AHI1: variants seen among roughly 807,000 people sequenced by gnomAD.
The protein encoded by AHI1 is Abelson helper integration site 1, also known as jouberin.
A neutral mutation model predicts 149.3 loss-of-function variants in AHI1; 123 were observed. That is an observed-to-expected ratio of 0.82 (90% CI 0.71 to 0.96). The LOEUF (loss-of-function observed/expected upper bound fraction) is 0.96. AHI1 is among the 40% of genes least tolerant of loss of function. AHI1 has a pLI of 0.00. For missense variants in AHI1, 1,439 were observed against 1,422.7 expected, an observed-to-expected ratio of 1.01 and a Z score of -0.18; for synonymous variants, 475 against 459.8, an observed-to-expected ratio of 1.03 and a Z score of -0.42.
intron 7 of AHI1, among the ~76,000 whole-genome samples, chr6:135,464,298 T>C (rs1007626034): frequency 6.6e-6 from 1 of 152,192 alleles, no homozygotes; most frequent in Non-Finnish European, 1.5e-5. Flanking sequence ...GGAGAACAGC[T>C]ACCCTTTGCG....
intron 20 of AHI1, among the ~76,000 whole-genome samples, chr6:135,415,759 T>C (rs1051864435): frequency 1.3e-5 from 2 of 152,188 alleles, no homozygotes; most frequent in African/African-American, 2.4e-5. Context: ...ACAACCCCAA[T>C]GTCCATTGAC....
chr6:135,285,493 G>T lies in AHI1; in HGVS notation c.*152C>A. The T allele has an allele frequency of 1.2e-6, 1 of 821,548 alleles. No homozygotes were observed. Among genetic ancestry groups the T allele is most frequent in the South Asian group, 1.6e-5 (1 of 63,898 alleles). 50.9% of individuals were successfully genotyped at this position (821,548 alleles called of 1,614,324 possible). A position where few individuals can be genotyped will look rare whatever the true frequency, so the allele number is the denominator to read the frequency against. ...ATTTTTCCACCCACAACTTGATTCT[G>T]ATTTTTCTAGAGTCATTCATAAGAA... On this transcript the variant is annotated 3_prime_UTR_variant, in exon 29 of 29. Transcript: ENST00000265602.
rs117519638 is a variant in AHI1 at position 135,352,313 on chromosome 6, A to G, written c.3165+5819T>C. 6.5e-3 allele frequency among the ~76,000 whole-genome samples: 986 copies of G among 152,234 alleles called. 13 individuals carry two copies. The highest frequency in any genetic ancestry group is 0.022 in the African/African-American group (929 of 41,534). On this transcript the variant is annotated intron_variant, in intron 24 of 28. Transcript: ENST00000265602. ...AATGATGCCCAAATCACATTTTCCA[A>G]TCTTCTACTATCTCATCTACGCTGC...
At chr6:135,460,246 TA>T (rs927875326) in intron 8 of AHI1, among the ~76,000 whole-genome samples, 5 of 152,298 alleles carry the variant, frequency 3.3e-5, no homozygotes, top group African/African-American at 1.2e-4. Context: ...GACACAATGT[TA>T]AAAAATTTTA....
chr6:135,463,089 A>G, intron 8 of AHI1, 36 bp downstream of exon 8: 1 of 1,517,210 alleles, frequency 6.6e-7, no homozygotes, highest in Non-Finnish European at 8.9e-7. Context: ...ATTTCTACCA[A>G]CATACACAAT....
intron 5 of AHI1, among the ~76,000 whole-genome samples, chr6:135,484,517 A>G (rs1794188231): frequency 6.6e-6 from 1 of 151,898 alleles, no homozygotes; most frequent in South Asian, 2.1e-4. Context: ...CTGTTATCTT[A>G]ATATTTATGA....
chr6:135,463,066 C>T, intron 8 of AHI1, 59 bp downstream of exon 8: 1 of 1,412,626 alleles, frequency 7.1e-7, no homozygotes, highest in Non-Finnish European at 9.5e-7. Context: ...GCTAAAATTC[C>T]TAGAATCAAG....
rs542471491 is a variant in AHI1 at position 135,431,092 on chromosome 6, T to C, written c.2373+116A>G. ...TTAATTATTGATAACTAAGAAAAAC[T>C]GTTAATTTTTTGAAATGAGAGAACA... On this transcript the variant is annotated intron_variant, in intron 17 of 28. Coordinates refer to ENST00000265602, the MANE Select transcript of AHI1 (RefSeq NM_001134831.2). 74 of 645,054 alleles carry C rather than the reference T, an allele frequency of 1.1e-4. No individual in the cohort carries two copies. In the African/African-American group the frequency reaches 1.2e-3, roughly 10 times the overall value. The allele number at this position is 645,054 out of a possible 1,614,324, so 40.0% of individuals were successfully genotyped here. A position where few individuals can be genotyped will look rare whatever the true frequency, so the allele number is the denominator to read the frequency against.
chr6:135,394,812 G>T lies in AHI1; in HGVS notation c.3073C>A (p.Gln1025Lys). The T allele has an allele frequency of 6.2e-7, 1 of 1,609,644 alleles. No individual in the cohort carries two copies. The highest frequency in any genetic ancestry group is 1.1e-5 in the South Asian group (1 of 90,130). The change falls in exon 23 of 29, where the codon CAA (glutamine) becomes AAA (lysine). Residue 1025 changes from glutamine (Q) to lysine (K), a missense_variant. Physicochemically the swap from Gln to Lys is moderately conservative, Grantham distance 53. Transcript: ENST00000265602. ...KLKQSNMLTA[Q>K]EILHQFGFTQ... is the part of the protein sequence containing the mutation. Reference sequence around the variant, plus strand: ...AAACCAAACTGATGTAGAATCTCTTGAGCGGTCAGCATGTTTGACTGCTTT... The same window carrying T: ...AAACCAAACTGATGTAGAATCTCTTTAGCGGTCAGCATGTTTGACTGCTTT...
chr6:135,442,873 G>T (rs1218477876), intron 13 of AHI1, among the ~76,000 whole-genome samples, 159 bp from the exon 14 acceptor site: 3 of 152,158 alleles, frequency 2.0e-5, no homozygotes, highest in Admixed American at 2.0e-4. Context: ...AAATTGCTTT[G>T]TAAAAAGAGA....
chr6:135,448,923 CAAGAT>C (rs1787663521), intron 11 of AHI1, among the ~76,000 whole-genome samples: 1 of 152,094 alleles, frequency 6.6e-6, no homozygotes, highest in Admixed American at 6.5e-5. Context: ...AAAATCATTT[CAAGAT>C]AATTAAACTC....
intron 5 of AHI1, among the ~76,000 whole-genome samples, chr6:135,474,807 T>C (rs912586217): frequency 2.6e-5 from 4 of 152,190 alleles, no homozygotes; most frequent in African/African-American, 9.7e-5. Flanking sequence ...TTTCATAAGA[T>C]TGATTTTCTA....
At chr6:135,351,144 C>CAAAAAAAA (rs112077817) in intron 24 of AHI1, among the ~76,000 whole-genome samples, 2 of 116,278 alleles carry the variant, frequency 1.7e-5, no homozygotes, top group African/African-American at 4.4e-5. Flanking sequence ...ACAAAAAAAA[C>CAAAAAAAA]AAAAAAAAAA....
At position 135,433,218 on chromosome 6, in the gene AHI1, C is replaced by T. The variant is rs1174300537; in HGVS notation, c.2075G>A (p.Arg692Lys). Reference sequence around the variant, plus strand: ...AACAAAAGAAGGATGAGGTAAAACTCTGAAAGTATTTGTATTGTTTATTTC... The same window carrying T: ...AACAAAAGAAGGATGAGGTAAAACTTTGAAAGTATTTGTATTGTTTATTTC... ...KNEINNTNTF[R>K]VLPHPSFVYT... Residue 692 changes from arginine (R) to lysine (K), a missense_variant, in exon 16 of 29, where the codon AGA (arginine) becomes AAA (lysine). Arg to Lys is a conservative substitution (Grantham distance 26). Transcript: ENST00000265602. 6.2e-7 allele frequency: 1 copy of T among 1,611,132 alleles called. No homozygotes were observed. Among genetic ancestry groups the T allele is most frequent in the Non-Finnish European group, 8.5e-7 (1 of 1,177,524 alleles).
chr6:135,290,546 A>G (rs193163007), intron 27 of AHI1, 21 bp from the exon 28 acceptor site: 2 of 1,613,442 alleles, frequency 1.2e-6, no homozygotes, highest in East Asian at 4.5e-5. Context: ...GAAAGATCAG[A>G]AACAAGGAGC....
At chr6:135,293,080 G>A (rs144430476) in intron 27 of AHI1, among the ~76,000 whole-genome samples, 3 of 152,234 alleles carry the variant, frequency 2.0e-5, no homozygotes, top group Middle Eastern at 3.4e-3. Context: ...CGAGGAACGC[G>A]AAGTTGGTTT....
At chr6:135,330,472 C>T (rs1267339808) in intron 24 of AHI1, among the ~76,000 whole-genome samples, 1 of 152,152 alleles carries the variant, frequency 6.6e-6, no homozygotes, top group East Asian at 1.9e-4. Context: ...ATCATTTAGA[C>T]ATGGTGCTAC....
chr6:135,353,553 A>C lies in AHI1; in HGVS notation c.3165+4579T>G, dbSNP rs1261219026. Among the ~76,000 whole-genome samples the C allele has an allele frequency of 2.6e-5, 4 of 152,140 alleles. No individual in the cohort carries two copies. The East Asian group carries it at 7.7e-4, about 29-fold the overall frequency. Reference sequence around the variant, plus strand: ...CCATATTTTACATGAATATATGTATAAAGTATACAAAAGTATAATACTGCA... The same window carrying C: ...CCATATTTTACATGAATATATGTATCAAGTATACAAAAGTATAATACTGCA... On this transcript the variant is annotated intron_variant, in intron 24 of 28. Transcript: ENST00000265602.
chr6:135,359,388 C>G (rs552356495), intron 23 of AHI1, among the ~76,000 whole-genome samples: 1 of 152,128 alleles, frequency 6.6e-6, no homozygotes, highest in South Asian at 2.1e-4. Context: ...TGAAGAATTA[C>G]CACAGAGCAA....
Sources: allele counts gnomAD v4.1 joint callset (sites outside exome capture counted in the v4.1 genomes callset), GRCh38; gene constraint gnomAD v4.1.1; transcripts MANE v1.5; gene names NCBI Gene and HGNC (gene_info 2026-07-23, HGNC 2026-07-21).